The following CTIF variants were observed in gnomAD, a reference collection of about 807,000 sequenced individuals.
CTIF encodes CBP80/20-dependent translation initiation factor.
CTIF carries 21 observed loss-of-function variants against 66.0 expected under a neutral mutation model. The ratio of observed to expected loss-of-function variants is 0.32; its 90% CI spans 0.23 to 0.46. The LOEUF (loss-of-function observed/expected upper bound fraction) is 0.46, where lower values mean the gene tolerates loss of function less well. CTIF is among the 20% of genes least tolerant of loss of function. The pLI is 1.00. For synonymous variants in CTIF, 345 were observed against 326.4 expected (o/e 1.06, Z -0.62); for missense variants, 739 against 812.7 (o/e 0.91, Z 1.10).
chr18:48,589,817 G>A (rs1339372576), intron 1 of CTIF, among the ~76,000 whole-genome samples: 1 of 152,232 alleles, frequency 6.6e-6, no homozygotes, highest in East Asian at 1.9e-4. Context: ...CTTTCCAGGT[G>A]AGATTATACA....
intron 1 of CTIF, among the ~76,000 whole-genome samples, chr18:48,605,367 A>G (rs934234070): frequency 6.6e-6 from 1 of 152,178 alleles, no homozygotes; most frequent in South Asian, 2.1e-4. Flanking sequence ...AGTTGAGGCT[A>G]TGGGAGGCTC....
chr18:48,692,330 CAA>C (rs57466402), intron 6 of CTIF, among the ~76,000 whole-genome samples: 13,752 of 138,714 alleles, frequency 0.099, 1,777 homozygotes, highest in African/African-American at 0.33. Context: ...AAACAAAAAA[CAA>C]AAAACAAAAA....
At chr18:48,660,599 C>T (rs1357968660) in intron 3 of CTIF, among the ~76,000 whole-genome samples, 1 of 152,230 alleles carries the variant, frequency 6.6e-6, no homozygotes, top group Non-Finnish European at 1.5e-5. Flanking sequence ...CAAGTTTGCC[C>T]TGCCCAGTCA....
rs532347839 is a variant in CTIF at position 48,752,280 on chromosome 18, C to G, written c.585-5639C>G. 2.7e-4 allele frequency among the ~76,000 whole-genome samples: 41 copies of G among 152,316 alleles called. 2 individuals are homozygous for G. The highest frequency in any genetic ancestry group is 9.6e-4 in the African/African-American group (40 of 41,566). ...GGAGTGTTTCTGATGCATGCTGGCCCTCTCCTCTCAGCGTTGTTAGGAGGG... is the reference window on the plus strand; with the variant it reads ...GGAGTGTTTCTGATGCATGCTGGCCGTCTCCTCTCAGCGTTGTTAGGAGGG... On this transcript the variant is annotated intron_variant, in intron 7 of 11. Transcript: ENST00000256413.
intron 1 of CTIF, among the ~76,000 whole-genome samples, chr18:48,560,226 AT>A (rs34752495): frequency 3.8e-3 from 505 of 131,280 alleles, no homozygotes; most frequent in Middle Eastern, 0.012. Flanking sequence ...TTTGGAGGCT[AT>A]TTTTTTTTTT....
chr18:48,707,921 T>C (rs1286050973), intron 6 of CTIF, among the ~76,000 whole-genome samples: 1 of 152,222 alleles, frequency 6.6e-6, no homozygotes, highest in East Asian at 1.9e-4. Flanking sequence ...TTTCCATCTC[T>C]GCAGATATGC....
chr18:48,803,427 C>G (rs568409105), intron 9 of CTIF, among the ~76,000 whole-genome samples: 3 of 152,244 alleles, frequency 2.0e-5, no homozygotes, highest in East Asian at 1.9e-4. Context: ...TAATCCTCAT[C>G]ATATCACTCT....
chr18:48,627,123 G>A (rs1392645708), intron 2 of CTIF, among the ~76,000 whole-genome samples: 1 of 152,204 alleles, frequency 6.6e-6, no homozygotes. Flanking sequence ...ATACATGTAA[G>A]TTTTATGATC....
intron 7 of CTIF, among the ~76,000 whole-genome samples, chr18:48,738,678 C>T (rs1421446514): frequency 6.6e-6 from 1 of 152,188 alleles, no homozygotes; most frequent in Non-Finnish European, 1.5e-5. Context: ...CCAGGGGTGC[C>T]CCCACCATAC....
intron 1 of CTIF, among the ~76,000 whole-genome samples, chr18:48,614,858 G>T (rs56339520): frequency 0.15 from 23,344 of 152,016 alleles, 1,798 homozygotes; most frequent in South Asian, 0.19. Flanking sequence ...TGTTTTGTTT[G>T]GTTTGGTTGG....
At chr18:48,736,475 T>C (rs1448912890) in intron 7 of CTIF, among the ~76,000 whole-genome samples, 1 of 152,234 alleles carries the variant, frequency 6.6e-6, no homozygotes, top group Non-Finnish European at 1.5e-5. Context: ...CAGGGCTTCA[T>C]GGAACGCTCC....
chr18:48,645,599 C>G (rs571609335), intron 3 of CTIF, among the ~76,000 whole-genome samples: 167 of 152,336 alleles, frequency 1.1e-3, no homozygotes, highest in African/African-American at 3.8e-3. Flanking sequence ...TGAGAAGGCT[C>G]CTACCCACGC....
At chr18:48,770,773 T>A (rs1910028656) in intron 9 of CTIF, among the ~76,000 whole-genome samples, 1 of 152,244 alleles carries the variant, frequency 6.6e-6, no homozygotes, top group Non-Finnish European at 1.5e-5. Flanking sequence ...AAAACATGTC[T>A]CTGCACCCAC....
At chr18:48,611,843 G>A (rs1383407282) in intron 1 of CTIF, among the ~76,000 whole-genome samples, 1 of 152,196 alleles carries the variant, frequency 6.6e-6, no homozygotes, top group Non-Finnish European at 1.5e-5. Context: ...CGTGACCCAG[G>A]AAATTTGTTT....
At chr18:48,549,231 G>C (rs909372896) in intron 1 of CTIF, among the ~76,000 whole-genome samples, 5 of 152,186 alleles carry the variant, frequency 3.3e-5, no homozygotes, top group Admixed American at 6.5e-5. Flanking sequence ...GAGGACGTAG[G>C]GGAAAGCATT....
At chr18:48,588,647 T>A (rs756841213) in intron 1 of CTIF, among the ~76,000 whole-genome samples, 1 of 151,148 alleles carries the variant, frequency 6.6e-6, no homozygotes, top group Non-Finnish European at 1.5e-5. Context: ...ACATCCGTCC[T>A]TCCTTCTCCT....
intron 2 of CTIF, among the ~76,000 whole-genome samples, chr18:48,620,614 AG>A (rs2090476178): frequency 6.6e-6 from 1 of 152,238 alleles, no homozygotes; most frequent in Non-Finnish European, 1.5e-5. Flanking sequence ...AAAGACAGTA[AG>A]AAGTACAAAA....
At chr18:48,647,995 G>C (rs779450342) in intron 3 of CTIF, among the ~76,000 whole-genome samples, 3 of 152,202 alleles carry the variant, frequency 2.0e-5, no homozygotes, top group Non-Finnish European at 2.9e-5. Context: ...TCTCCTGGAA[G>C]CCTTTCCCTG....
intron 10 of CTIF, among the ~76,000 whole-genome samples, chr18:48,856,037 C>T (rs1386329714): frequency 1.3e-5 from 2 of 152,164 alleles, no homozygotes; most frequent in Non-Finnish European, 2.9e-5. Context: ...AGAGCAGAAG[C>T]TTGACAATAA....
Sources: allele counts gnomAD v4.1 joint callset (sites outside exome capture counted in the v4.1 genomes callset), GRCh38; gene constraint gnomAD v4.1.1; transcripts MANE v1.5; gene names NCBI Gene and HGNC (gene_info 2026-07-23, HGNC 2026-07-21).